TYW1: variants seen among roughly 807,000 people sequenced by gnomAD.
The protein encoded by TYW1 is S-adenosyl-L-methionine-dependent tRNA 4-demethylwyosine synthase TYW1.
TYW1 carries 46 observed loss-of-function variants against 96.2 expected under a neutral mutation model. The ratio of observed to expected loss-of-function variants is 0.48; its 90% CI spans 0.38 to 0.61. The LOEUF (loss-of-function observed/expected upper bound fraction) is 0.61, where lower values mean the gene tolerates loss of function less well. Ranked by LOEUF, TYW1 falls within the 20% of genes least tolerant of loss-of-function variation. The pLI, the probability that TYW1 is intolerant of heterozygous loss-of-function variation, is 0.00. For missense variants in TYW1, 684 were observed against 909.6 expected, an observed-to-expected ratio of 0.75 and a Z score of 3.19; for synonymous variants, 274 against 323.0, an observed-to-expected ratio of 0.85 and a Z score of 1.63.
At chr7:67,067,684 G>C (rs1795906374) in intron 10 of TYW1, among the ~76,000 whole-genome samples, 1 of 152,210 alleles carries the variant, frequency 6.6e-6, no homozygotes, top group Non-Finnish European at 1.5e-5. Context: ...TCGATAAATA[G>C]TGATACATTA....
At chr7:66,999,256 T>C (rs1793296164) in intron 3 of TYW1, among the ~76,000 whole-genome samples, 1 of 152,204 alleles carries the variant, frequency 6.6e-6, no homozygotes, top group African/African-American at 2.4e-5. Flanking sequence ...GTGAGTCCAT[T>C]ATCGATGCCC....
At chr7:67,152,656 C>T (rs1173315288) in intron 13 of TYW1, among the ~76,000 whole-genome samples, 1 of 152,132 alleles carries the variant, frequency 6.6e-6, no homozygotes, top group East Asian at 1.9e-4. Context: ...GGCTAGAGTG[C>T]AGTGGCATGA....
At chr7:67,150,883 T>A (rs1000869887) in intron 13 of TYW1, among the ~76,000 whole-genome samples, 4 of 151,862 alleles carry the variant, frequency 2.6e-5, no homozygotes, top group Non-Finnish European at 5.9e-5. Context: ...TAAAAACCTG[T>A]GGGTAAATTT....
In TYW1 at chr7:67,194,911, G is replaced by A. The variant is rs184857313; in HGVS notation, c.1810-259G>A. The stretch of plus-strand genomic sequence containing the variant: ...ATTGTGACCAGACAGCCTAGATTGC[G>A]ACAACGGTAGAAAGCGCAGGTACTT... On this transcript the variant is annotated intron_variant, in intron 14 of 15. Coordinates refer to ENST00000359626, the MANE Select transcript of TYW1 (RefSeq NM_018264.4). Among the ~76,000 whole-genome samples the A allele has an allele frequency of 1.7e-3, 248 of 144,750 alleles. 10 individuals carry two copies. The highest frequency in any genetic ancestry group is 3.2e-3 in the Non-Finnish European group (211 of 65,700). The allele number at this position is 144,750 out of a possible 152,430, so 95.0% of individuals were successfully genotyped here.
chr7:67,066,716 C>T (rs951684208), intron 9 of TYW1, among the ~76,000 whole-genome samples: 24 of 152,136 alleles, frequency 1.6e-4, no homozygotes, highest in African/African-American at 5.6e-4. Flanking sequence ...GGCATGGTGG[C>T]TCACACCCAT....
At chr7:67,194,766 T>C (rs1234905922) in intron 14 of TYW1, among the ~76,000 whole-genome samples, 2 of 149,852 alleles carry the variant, frequency 1.3e-5, no homozygotes, top group Non-Finnish European at 3.0e-5. Context: ...CAGTGAATTT[T>C]TATGAGTGTC....
chr7:67,171,486 G>A (rs1258548164), intron 13 of TYW1, among the ~76,000 whole-genome samples: 1 of 152,044 alleles, frequency 6.6e-6, no homozygotes, highest in African/African-American at 2.4e-5. Context: ...TCGTTCATGT[G>A]TTCTGTGCTT....
rs551643671 is a variant in TYW1 at position 67,109,749 on chromosome 7, G to A, written c.1563-7734G>A. On this transcript the variant is annotated intron_variant, in intron 12 of 15. Coordinates refer to ENST00000359626, the MANE Select transcript of TYW1 (RefSeq NM_018264.4). ...ACAAAAATTAGCCGGGTGTGGTGGC[G>A]GGCACCTGTAATCCCAGCTACTCGA... Among the ~76,000 whole-genome samples the A allele has an allele frequency of 5.3e-5, 8 of 152,172 alleles. No homozygotes were observed. The East Asian group carries it at 7.7e-4, about 15-fold the overall frequency.
chr7:67,026,685 C>T (rs545049561), intron 7 of TYW1, among the ~76,000 whole-genome samples: 1 of 151,838 alleles, frequency 6.6e-6, no homozygotes, highest in Admixed American at 6.6e-5. Context: ...CACACCCAGC[C>T]AGGTCTGCCT....
chr7:67,064,106 TA>T lies in TYW1; in HGVS notation c.1156-3177del, dbSNP rs1165730018. On this transcript the variant is annotated intron_variant, in intron 9 of 15. Transcript: ENST00000359626. Reference sequence around the variant, plus strand: ...TGTTCATGGATTAGAAAACTCAGTATAATAAACTGTCAATTCTCCCCAAATT... The same window carrying T: ...TGTTCATGGATTAGAAAACTCAGTATATAAACTGTCAATTCTCCCCAAATT... Among the ~76,000 whole-genome samples the T allele has an allele frequency of 2.6e-5, 4 of 152,320 alleles. No homozygotes were observed. In the East Asian group the frequency reaches 7.7e-4, roughly 29 times the overall value.
chr7:67,204,211 C>T (rs987430189), intron 15 of TYW1, among the ~76,000 whole-genome samples: 1 of 152,064 alleles, frequency 6.6e-6, no homozygotes, highest in Admixed American at 6.5e-5. Context: ...TCTTATTTCT[C>T]TTTTCTTTTT....
chr7:67,034,266 G>C (rs1794763810), intron 7 of TYW1, among the ~76,000 whole-genome samples: 1 of 138,358 alleles, frequency 7.2e-6, no homozygotes, highest in Non-Finnish European at 1.6e-5. Flanking sequence ...ACCACACCTG[G>C]CTATTTTTGT....
chr7:67,106,571 A>G (rs1286575127), intron 12 of TYW1, among the ~76,000 whole-genome samples: 1 of 152,174 alleles, frequency 6.6e-6, no homozygotes, highest in East Asian at 1.9e-4. Context: ...GAGGAACCTC[A>G]GAGAACTGGT....
chr7:67,003,054 A>AG (rs1207672884), intron 3 of TYW1, among the ~76,000 whole-genome samples: 1 of 151,830 alleles, frequency 6.6e-6, no homozygotes, highest in East Asian at 1.9e-4. Context: ...TACAGGCTTG[A>AG]GCCACGCGCC....
chr7:67,055,861 G>A lies in TYW1; in HGVS notation c.1129G>A (p.Gly377Arg). The change falls in exon 9 of 16, where the codon GGG (glycine) becomes AGG (arginine). Residue 377 changes from glycine to arginine, a missense_variant. Coordinates refer to ENST00000359626, the MANE Select transcript of TYW1 (RefSeq NM_018264.4). ...QGYQLIGSHS[G>R]VKLCRWTKSM... is the part of the protein sequence containing the mutation. Reference sequence around the variant, plus strand: ...TTATCAGTTGATTGGGAGCCACTCGGGGGTGAAGCTTTGCAGGTGGACAAA... The same window carrying A: ...TTATCAGTTGATTGGGAGCCACTCGAGGGTGAAGCTTTGCAGGTGGACAAA... 1 of 1,612,896 alleles carries A rather than the reference G, an allele frequency of 6.2e-7. No homozygotes were observed. Among genetic ancestry groups the A allele is most frequent in the Non-Finnish European group, 8.5e-7 (1 of 1,179,354 alleles).
chr7:67,193,019 C>T (rs1243143647), intron 14 of TYW1, among the ~76,000 whole-genome samples: 2 of 152,156 alleles, frequency 1.3e-5, no homozygotes, highest in African/African-American at 4.8e-5. Context: ...GAAATTCGGG[C>T]TGTGATGTCA....
chr7:67,124,899 A>T (rs1797868062), intron 13 of TYW1, among the ~76,000 whole-genome samples: 2 of 151,882 alleles, frequency 1.3e-5, no homozygotes, highest in Non-Finnish European at 2.9e-5. Context: ...CAATGGCGTG[A>T]TCTTTGCTCA....
At chr7:67,139,773 A>G (rs868156104) in intron 13 of TYW1, among the ~76,000 whole-genome samples, 13 of 101,570 alleles carry the variant, frequency 1.3e-4, no homozygotes, top group East Asian at 6.6e-4. Flanking sequence ...GTGTGTGTGT[A>G]TGCCCAAATA....
intron 3 of TYW1, among the ~76,000 whole-genome samples, chr7:67,004,778 CAG>C (rs1793512639): frequency 6.6e-6 from 1 of 152,074 alleles, no homozygotes; most frequent in African/African-American, 2.4e-5. Context: ...TTTTTTGAGA[CAG>C]AGTCTTTCTC....
Sources: gnomAD v4.1 joint callset for allele counts (sites outside exome capture counted in the v4.1 genomes callset) on GRCh38, gnomAD v4.1.1 for gene constraint, MANE v1.5 for transcripts, NCBI Gene and HGNC (gene_info 2026-07-23, HGNC 2026-07-21) for gene names.